Variants in CCNY observed in about 807,000 individuals in gnomAD.
The protein encoded by CCNY is cyclin-Y.
In CCNY, 19 loss-of-function variants were observed where a neutral mutation model predicts 42.8. The ratio of observed to expected loss-of-function variants is 0.44; its 90% CI spans 0.31 to 0.65. The LOEUF (loss-of-function observed/expected upper bound fraction) is 0.65. Among genes scored for constraint, CCNY ranks in the 30% least tolerant of loss-of-function variants. CCNY has a pLI of 0.07. For synonymous variants in CCNY, 165 were observed against 162.7 expected, an observed-to-expected ratio of 1.01 and a Z score of -0.11; for missense variants, 370 against 437.3, an observed-to-expected ratio of 0.85 and a Z score of 1.37.
chr10:35,268,403 G>C (rs1268705803), intron 3 of CCNY, among the ~76,000 whole-genome samples: 1 of 152,106 alleles, frequency 6.6e-6, no homozygotes, highest in Non-Finnish European at 1.5e-5. Context: ...TCTTTGCCTC[G>C]TGTCCCACAT....
intron 3 of CCNY, among the ~76,000 whole-genome samples, chr10:35,307,056 G>C (rs1207225008): frequency 6.6e-6 from 1 of 152,162 alleles, no homozygotes; most frequent in East Asian, 1.9e-4. Context: ...TGCTGGGCTG[G>C]GCTGCAGTGC....
intron 3 of CCNY, among the ~76,000 whole-genome samples, chr10:35,262,123 A>G (rs1440884330): frequency 6.6e-6 from 1 of 151,626 alleles, no homozygotes; most frequent in East Asian, 1.9e-4. Flanking sequence ...TTACCTGGGC[A>G]TGGTGGTGCA....
chr10:35,414,726 G>T (rs2135253312), intron 1 of CCNY, among the ~76,000 whole-genome samples: 1 of 152,306 alleles, frequency 6.6e-6, no homozygotes, highest in South Asian at 2.1e-4. Flanking sequence ...TGGTGGGAGG[G>T]AGTGATTCAC....
intron 3 of CCNY, among the ~76,000 whole-genome samples, chr10:35,312,408 A>T (rs1176509151): frequency 7.2e-6 from 1 of 139,694 alleles, no homozygotes; most frequent in Non-Finnish European, 1.5e-5. Context: ...AAAAAAAAAA[A>T]TGTTAATTAG....
At chr10:35,394,708 T>G (rs1837485331) in intron 1 of CCNY, 1 of 245,260 alleles carries the variant, frequency 4.1e-6, no homozygotes, top group South Asian at 1.5e-4. Context: ...ATCTTGTGCC[T>G]TTTAGTTCAA....
At chr10:35,362,994 G>A (rs772465712) in intron 1 of CCNY, among the ~76,000 whole-genome samples, 1 of 151,426 alleles carries the variant, frequency 6.6e-6, no homozygotes, top group Non-Finnish European at 1.5e-5. Context: ...GCGGCGGCCG[G>A]GCGGAGACGC....
At chr10:35,406,920 G>A (rs549253475) in intron 1 of CCNY, among the ~76,000 whole-genome samples, 1 of 152,306 alleles carries the variant, frequency 6.6e-6, no homozygotes, top group South Asian at 2.1e-4. Flanking sequence ...GCTTTTTGGA[G>A]CTTTTTCTAA....
At chr10:35,452,399 A>G (rs1184340318) in intron 1 of CCNY, among the ~76,000 whole-genome samples, 1 of 152,236 alleles carries the variant, frequency 6.6e-6, no homozygotes, top group Non-Finnish European at 1.5e-5. Flanking sequence ...ATGTCCAAAC[A>G]GCTTCTTAGT....
chr10:35,502,915 A>G (rs939569781), intron 3 of CCNY, among the ~76,000 whole-genome samples: 7 of 152,124 alleles, frequency 4.6e-5, no homozygotes, highest in Non-Finnish European at 8.8e-5. Flanking sequence ...AGGGAAGGAG[A>G]AGAGCTGGAA....
chr10:35,447,569 T>C (rs1838820767), intron 1 of CCNY, among the ~76,000 whole-genome samples: 1 of 152,182 alleles, frequency 6.6e-6, no homozygotes, highest in Admixed American at 6.5e-5. Flanking sequence ...TGCTAAACCC[T>C]AAAATAATAT....
chr10:35,341,715 G>T (rs190641014), intron 1 of CCNY, among the ~76,000 whole-genome samples: 1 of 152,210 alleles, frequency 6.6e-6, no homozygotes, highest in South Asian at 2.1e-4. Context: ...TGAAAGTAGC[G>T]TGGATGTGAA....
rs115561930 is a variant in CCNY at position 35,508,012 on chromosome 10, C to G, written c.264+6477C>G. Among the ~76,000 whole-genome samples, 1,066 of 152,232 alleles carry G rather than the reference C, an allele frequency of 7.0e-3. 11 individuals are homozygous for G. The highest frequency in any genetic ancestry group is 0.024 in the African/African-American group (1,017 of 41,538). On this transcript the variant is annotated intron_variant, in intron 3 of 9. Coordinates refer to ENST00000374704, the MANE Select transcript of CCNY (RefSeq NM_145012.6). ...CTGGATCCTCCACTGTCTGTTTACT[C>G]GTTTTCCCTTTGCAACTAATAAGCA...
chr10:35,549,265 C>T (rs1337505084), intron 7 of CCNY, among the ~76,000 whole-genome samples: 1 of 152,184 alleles, frequency 6.6e-6, no homozygotes, highest in Non-Finnish European at 1.5e-5. Context: ...GCATTAGACC[C>T]TCTCACTCTG....
chr10:35,308,872 GTGACAGCTTGGA>G (rs1461708039), intron 3 of CCNY, among the ~76,000 whole-genome samples: 1 of 152,158 alleles, frequency 6.6e-6, no homozygotes, highest in African/African-American at 2.4e-5. Flanking sequence ...ACAGGTGTCT[GTGACAGCTTGGA>G]TGACGATGGT....
chr10:35,282,918 C>T (rs762625207), intron 3 of CCNY, among the ~76,000 whole-genome samples: 2 of 151,994 alleles, frequency 1.3e-5, no homozygotes, highest in African/African-American at 2.4e-5. Flanking sequence ...AAGCTTAGTG[C>T]GCCCGAGAGA....
At chr10:35,479,272 T>G (rs1342750605) in intron 1 of CCNY, among the ~76,000 whole-genome samples, 2 of 151,518 alleles carry the variant, frequency 1.3e-5, no homozygotes, top group South Asian at 2.1e-4. Flanking sequence ...ACCCAAAGGA[T>G]TATAAATCAT....
At chr10:35,507,919 C>A (rs1188302932) in intron 3 of CCNY, among the ~76,000 whole-genome samples, 2 of 151,900 alleles carry the variant, frequency 1.3e-5, no homozygotes, top group Non-Finnish European at 2.9e-5. Context: ...GACATCAAAT[C>A]GAGAGGCAGG....
At chr10:35,261,762 T>C (rs1450733869) in intron 3 of CCNY, among the ~76,000 whole-genome samples, 18 of 152,070 alleles carry the variant, frequency 1.2e-4, no homozygotes, top group Admixed American at 1.1e-3. Flanking sequence ...GGCTCATGCC[T>C]GTAATCCCAG....
chr10:35,376,753 G>A (rs1211094196), intron 1 of CCNY, among the ~76,000 whole-genome samples: 1 of 152,152 alleles, frequency 6.6e-6, no homozygotes, highest in African/African-American at 2.4e-5. Context: ...TACAACATGG[G>A]TGAACCTTTA....
Sources: gnomAD v4.1 joint callset for allele counts (sites outside exome capture counted in the v4.1 genomes callset) on GRCh38, gnomAD v4.1.1 for gene constraint, MANE v1.5 for transcripts, NCBI Gene and HGNC (gene_info 2026-07-23, HGNC 2026-07-21) for gene names.